H3-3A: variants seen among roughly 807,000 people sequenced by gnomAD.
H3-3A encodes the protein H3.3 histone A, also known as histone H3.3.
For synonymous variants in H3-3A, 49 were observed against 61.4 expected (o/e 0.80, Z 0.95); for missense variants, 7 against 184.0 (o/e 0.04, Z 5.57).
intron 3 of H3-3A, among the ~76,000 whole-genome samples, chr1:226,068,317 T>A (rs1421396543): frequency 1.3e-5 from 2 of 152,190 alleles, no homozygotes; most frequent in East Asian, 3.8e-4. Context: ...AAGACAGCAG[T>A]GAGAGCCCCA....
At chr1:226,064,520 G>C (rs1340109830) in intron 2 of H3-3A, 41 bp downstream of exon 2, 1 of 1,530,544 alleles carries the variant, frequency 6.5e-7, no homozygotes, top group South Asian at 1.2e-5. Flanking sequence ...AGTCTCTCTT[G>C]TATGTATCCA....
chr1:226,062,688 GT>G (rs1657766195), upstream of H3-3A: 1 of 154,154 alleles, frequency 6.5e-6, no homozygotes, highest in Non-Finnish European at 1.4e-5. Flanking sequence ...GGCGGCGTGT[GT>G]TGGGGGATAG....
intron 2 of H3-3A, 103 bp downstream of exon 2, chr1:226,064,582 CTTTT>C (rs3832021): frequency 2.4e-5 from 19 of 794,594 alleles, no homozygotes; most frequent in African/African-American, 3.6e-5. Flanking sequence ...TTTAGAGAAA[CTTTT>C]TTTTTTCATT....
chr1:226,069,890 G>C (rs549531983), intron 3 of H3-3A, among the ~76,000 whole-genome samples: 3 of 152,294 alleles, frequency 2.0e-5, no homozygotes, highest in Non-Finnish European at 4.4e-5. Context: ...AGATTCTTCA[G>C]CTTTTCAGAC....
chr1:226,068,914 G>GT (rs1443805611), intron 3 of H3-3A, among the ~76,000 whole-genome samples: 1 of 152,198 alleles, frequency 6.6e-6, no homozygotes, highest in East Asian at 1.9e-4. Flanking sequence ...GCCTTAAAGG[G>GT]TAGATAAGTA....
intron 3 of H3-3A, among the ~76,000 whole-genome samples, chr1:226,069,982 C>G (rs1252127542): frequency 6.6e-6 from 1 of 152,144 alleles, no homozygotes; most frequent in African/African-American, 2.4e-5. Context: ...AGTTAAGTGT[C>G]AATGAGTGAT....
chr1:226,064,628 C>G (rs1391511070), intron 2 of H3-3A, 149 bp downstream of exon 2: 1 of 609,814 alleles, frequency 1.6e-6, no homozygotes, highest in African/African-American at 1.9e-5. Context: ...AATAAATGTA[C>G]TGTATGATCA....
At chr1:226,071,282 A>T in intron 3 of H3-3A, 69 bp from the exon 4 acceptor site, 1 of 1,282,426 alleles carries the variant, frequency 7.8e-7, no homozygotes, top group South Asian at 1.2e-5. Flanking sequence ...TTTTGTTTTA[A>T]TTCGTATAGT....
chr1:226,062,905 G>T (rs888530144), intron 1 of H3-3A, 94 bp downstream of exon 1: 1 of 153,008 alleles, frequency 6.5e-6, no homozygotes, highest in South Asian at 2.1e-4. Flanking sequence ...GGGACCCATA[G>T]CCCCTCCGGC....
At chr1:226,067,652 G>A (rs1431589055) in intron 3 of H3-3A, among the ~76,000 whole-genome samples, 1 of 151,748 alleles carries the variant, frequency 6.6e-6, no homozygotes, top group Non-Finnish European at 1.5e-5. Context: ...TGAGGCAGGA[G>A]AATTGCTTAA....
chr1:226,067,699 G>A (rs949628833), intron 3 of H3-3A, among the ~76,000 whole-genome samples: 5 of 151,398 alleles, frequency 3.3e-5, no homozygotes, highest in African/African-American at 7.3e-5. Flanking sequence ...CCGAGATGGC[G>A]CCATTGCACT....
rs1658134151 is a variant in H3-3A at position 226,071,668 on chromosome 1, G to A, written c.*189G>A. The stretch of plus-strand genomic sequence containing the variant: ...ATTGGCAGTTTTTCCATTTTCATTT[G>A]TGTGTGAATTTTTAATATAAATGCG... On this transcript the variant is annotated 3_prime_UTR_variant, in exon 4 of 4. Transcript: ENST00000366815. 1 of 353,800 alleles carries A rather than the reference G, an allele frequency of 2.8e-6. No individual in the cohort carries two copies. Among genetic ancestry groups the A allele is most frequent in the Non-Finnish European group, 4.9e-6 (1 of 203,964 alleles). The allele number at this position is 353,800 out of a possible 1,614,324, so 21.9% of individuals were successfully genotyped here.
intron 3 of H3-3A, among the ~76,000 whole-genome samples, chr1:226,069,906 T>G (rs776625553): frequency 3.3e-5 from 5 of 152,218 alleles, no homozygotes; most frequent in Non-Finnish European, 7.3e-5. Flanking sequence ...CAGACAGCTA[T>G]AAGTATACTA....
intron 2 of H3-3A, among the ~76,000 whole-genome samples, chr1:226,065,127 G>C (rs969016954): frequency 6.6e-6 from 1 of 152,196 alleles, no homozygotes; most frequent in African/African-American, 2.4e-5. Flanking sequence ...ACTTTTCCAC[G>C]TGGAAGGAAC....
chr1:226,064,168 T>G, intron 1 of H3-3A, 161 bp from the exon 2 acceptor site: 2 of 534,890 alleles, frequency 3.7e-6, no homozygotes, highest in South Asian at 5.1e-5. Flanking sequence ...GAAGAGATTT[T>G]GGGTAGACGT....
chr1:226,062,455 G>C (rs952546872), upstream of H3-3A, among the ~76,000 whole-genome samples: 3 of 150,366 alleles, frequency 2.0e-5, no homozygotes, highest in East Asian at 5.9e-4. Context: ...CGGCAGTCTC[G>C]GCGGGAGCCG....
intron 1 of H3-3A, 122 bp from the exon 2 acceptor site, chr1:226,064,207 A>C: frequency 4.4e-6 from 3 of 679,106 alleles, no homozygotes; most frequent in Non-Finnish European, 7.4e-6. Flanking sequence ...TTATATAACA[A>C]TACGAACATT....
intron 1 of H3-3A, among the ~76,000 whole-genome samples, chr1:226,063,749 C>T (rs1351977892): frequency 6.6e-6 from 1 of 152,020 alleles, no homozygotes; most frequent in Admixed American, 6.6e-5. Context: ...GGACTGGACG[C>T]GAGGACGGGG....
chr1:226,066,157 T>C (rs953553535), intron 3 of H3-3A: 9 of 380,876 alleles, frequency 2.4e-5, no homozygotes, highest in Admixed American at 4.1e-5. Context: ...AGGTCTATAT[T>C]TGTAGTAACA....
Sources: allele counts gnomAD v4.1 joint callset (sites outside exome capture counted in the v4.1 genomes callset), GRCh38; gene constraint gnomAD v4.1.1; transcripts MANE v1.5; gene names NCBI Gene and HGNC (gene_info 2026-07-23, HGNC 2026-07-21).